The following ARMC2 variants were observed in gnomAD, a reference collection of about 807,000 sequenced individuals.
ARMC2 encodes the protein armadillo repeat-containing protein 2.
Under a neutral mutation model 90.3 loss-of-function variants are expected in ARMC2, and 67 were observed. The observed-to-expected ratio is 0.74, with a 90% CI of 0.61 to 0.91. The LOEUF is 0.91. Ranked by LOEUF, ARMC2 falls within the 40% of genes least tolerant of loss-of-function variation. ARMC2 has a pLI of 0.00. For synonymous variants in ARMC2, 393 were observed against 393.0 expected, an observed-to-expected ratio of 1.00 and a Z score of 0.00; for missense variants, 920 against 1,030.9, an observed-to-expected ratio of 0.89 and a Z score of 1.47.
At chr6:108,982,867 A>G in the ARMC2 span, among the ~76,000 whole-genome samples, 4 of 142,482 alleles carry the variant, frequency 2.8e-5, no homozygotes, top group East Asian at 4.1e-4. Context: ...GCTGGAGTGC[A>G]TGGAGTACGG....
At chr6:108,867,295 C>T (rs1430928982) in intron 3 of ARMC2, among the ~76,000 whole-genome samples, 2 of 152,072 alleles carry the variant, frequency 1.3e-5, no homozygotes, top group African/African-American at 4.8e-5. Context: ...GGAGGCCACT[C>T]AGATTAGAGG....
intron 8 of ARMC2, among the ~76,000 whole-genome samples, chr6:108,905,467 C>T (rs1348558578): frequency 6.6e-6 from 1 of 151,308 alleles, no homozygotes; most frequent in Non-Finnish European, 1.5e-5. Flanking sequence ...CCAAAGATTG[C>T]CTTTGCTATT....
At chr6:108,993,779 A>G in the ARMC2 span, among the ~76,000 whole-genome samples, 3 of 152,066 alleles carry the variant, frequency 2.0e-5, no homozygotes, top group East Asian at 3.9e-4. Context: ...GAGTCTTGCT[A>G]TGTTGCCCCA....
intron 11 of ARMC2, among the ~76,000 whole-genome samples, chr6:108,931,873 C>A (rs539094610): frequency 6.6e-6 from 1 of 151,836 alleles, no homozygotes; most frequent in South Asian, 2.1e-4. Context: ...AAGCAATTAT[C>A]CTGCCTCAGC....
At chr6:108,983,964 G>A in the ARMC2 span, among the ~76,000 whole-genome samples, 1 of 152,214 alleles carries the variant, frequency 6.6e-6, no homozygotes, top group African/African-American at 2.4e-5. Context: ...ACAGCAGGAG[G>A]TGAGTTGTGG....
At chr6:108,949,720 G>T (rs1274994147) in intron 12 of ARMC2, among the ~76,000 whole-genome samples, 1 of 152,194 alleles carries the variant, frequency 6.6e-6, no homozygotes, top group Non-Finnish European at 1.5e-5. Flanking sequence ...GGCATTACTT[G>T]AAGTAACCCT....
Position 108,930,752 on chromosome 6 carries a change from C to T in ARMC2, c.1496+2519C>T, listed in dbSNP as rs576447464. On this transcript the variant is annotated intron_variant, in intron 11 of 17. Coordinates refer to ENST00000392644, the MANE Select transcript of ARMC2 (RefSeq NM_032131.6). ...GCTGGGACTACAGGCACCCACACCA[C>T]GCCCAGCTAATTTTTTGTATTTTTA... 2.5e-3 allele frequency among the ~76,000 whole-genome samples: 384 copies of T among 151,784 alleles called. 3 individuals carry two copies. Among genetic ancestry groups the T allele is most frequent in the African/African-American group, 8.9e-3 (368 of 41,406 alleles).
At chr6:109,042,417 G>A in the ARMC2 span, among the ~76,000 whole-genome samples, 2 of 151,294 alleles carry the variant, frequency 1.3e-5, no homozygotes, top group East Asian at 3.9e-4. Flanking sequence ...GAAACAAACT[G>A]CTGGTTCTTT....
At chr6:108,993,584 T>C in the ARMC2 span, among the ~76,000 whole-genome samples, 1 of 152,210 alleles carries the variant, frequency 6.6e-6, no homozygotes, top group Non-Finnish European at 1.5e-5. Flanking sequence ...TCTATTATAT[T>C]GTCAAAATAC....
At chr6:108,998,951 CTG>C in the ARMC2 span, 4 of 478,158 alleles carry the variant, frequency 8.4e-6, no homozygotes, top group Non-Finnish European at 1.4e-5. Context: ...TTAACATAAT[CTG>C]TTAAGACATT....
At chr6:108,921,228 C>T (rs1774536308) in intron 10 of ARMC2, among the ~76,000 whole-genome samples, 1 of 152,054 alleles carries the variant, frequency 6.6e-6, no homozygotes, top group African/African-American at 2.4e-5. Flanking sequence ...CATACATAGC[C>T]ACAACTAGAA....
chr6:108,873,844 T>A (rs1776675067), intron 4 of ARMC2, among the ~76,000 whole-genome samples: 1 of 152,182 alleles, frequency 6.6e-6, no homozygotes, highest in Non-Finnish European at 1.5e-5. Flanking sequence ...TGCCCCCTCC[T>A]TACCTGGCTG....
chr6:108,894,881 C>T (rs950437774), intron 6 of ARMC2, among the ~76,000 whole-genome samples: 3 of 150,622 alleles, frequency 2.0e-5, no homozygotes, highest in Non-Finnish European at 3.0e-5. Context: ...ATTCTCCTGC[C>T]TCAGCCTCCT....
chr6:108,900,596 C>T lies in ARMC2; in HGVS notation c.847+804C>T, dbSNP rs1583052136. On this transcript the variant is annotated intron_variant, in intron 7 of 17. Coordinates refer to ENST00000392644, the MANE Select transcript of ARMC2 (RefSeq NM_032131.6). The stretch of plus-strand genomic sequence containing the variant: ...AGAGAAGCAGGGTAAATGAACCCTC[C>T]CCAGCAACCAAACAGAGATGTGCTG... Among the ~76,000 whole-genome samples the T allele has an allele frequency of 2.6e-5, 4 of 152,144 alleles. No homozygotes were observed. In the South Asian group the frequency reaches 6.2e-4, roughly 24 times the overall value.
Position 108,953,076 on chromosome 6 carries a change from CA to C in ARMC2, c.1646del (p.Asn549IlefsTer59), listed in dbSNP as rs1215486999. ...GTTTTTATTCTTGGCAACCTGACGG[CA>C]AAAAATAACCAGGCTCGTGAACAAT... is the stretch of plus-strand genomic sequence containing the variant. ...RVVFILGNLT[A>X]KNNQAREQFS... On this transcript the variant is annotated frameshift_variant, in exon 13 of 18. Transcript: ENST00000392644. LOFTEE classifies it high-confidence loss of function. 3 of 1,613,302 alleles carry C rather than the reference CA, an allele frequency of 1.9e-6. No homozygotes were observed. The highest frequency in any genetic ancestry group is 2.5e-6 in the Non-Finnish European group (3 of 1,179,598).
chr6:108,925,228 T>C (rs1477106310), intron 10 of ARMC2, among the ~76,000 whole-genome samples: 1 of 152,176 alleles, frequency 6.6e-6, no homozygotes, highest in Admixed American at 6.5e-5. Flanking sequence ...TCCATTATTT[T>C]TTACTCCTCT....
chr6:108,989,444 T>A, the ARMC2 span, among the ~76,000 whole-genome samples: 1 of 147,338 alleles, frequency 6.8e-6, no homozygotes, highest in African/African-American at 2.6e-5. Context: ...TAGATCTAGA[T>A]ACATCTCTAT....
At chr6:108,855,158 G>T (rs1047674006) in intron 2 of ARMC2, among the ~76,000 whole-genome samples, 2 of 151,916 alleles carry the variant, frequency 1.3e-5, no homozygotes, top group African/African-American at 2.4e-5. Flanking sequence ...CATCTCATTT[G>T]CTTCCATGTT....
At chr6:109,044,106 G>A in the ARMC2 span, among the ~76,000 whole-genome samples, 1 of 151,774 alleles carries the variant, frequency 6.6e-6, no homozygotes, top group African/African-American at 2.4e-5. Flanking sequence ...CTTGAGCCCA[G>A]GAGTTCAAGA....
Sources: gnomAD v4.1 joint callset for allele counts (sites outside exome capture counted in the v4.1 genomes callset) on GRCh38, gnomAD v4.1.1 for gene constraint, MANE v1.5 for transcripts, NCBI Gene and HGNC (gene_info 2026-07-23, HGNC 2026-07-21) for gene names.